The following JAKMIP2 variants were observed in gnomAD, a reference collection of about 807,000 sequenced individuals.
JAKMIP2 encodes janus kinase and microtubule-interacting protein 2.
In JAKMIP2, 25 loss-of-function variants were observed where a neutral mutation model predicts 115.0. The ratio of observed to expected loss-of-function variants is 0.22; its 90% CI spans 0.16 to 0.30. The LOEUF (loss-of-function observed/expected upper bound fraction) is 0.30. Ranked by LOEUF, JAKMIP2 falls within the 10% of genes least tolerant of loss-of-function variation. The pLI is 1.00. For missense variants in JAKMIP2, 642 were observed against 957.6 expected, an observed-to-expected ratio of 0.67 and a Z score of 4.35; for synonymous variants, 334 against 343.6, an observed-to-expected ratio of 0.97 and a Z score of 0.31.
At position 147,762,752 on chromosome 5, in the gene JAKMIP2, A is replaced by G. The variant is rs1391380849; in HGVS notation, c.-149+19704T>C. Among the ~76,000 whole-genome samples, 3 of 152,284 alleles carry G rather than the reference A, an allele frequency of 2.0e-5. No individual in the cohort carries two copies. In the South Asian group the frequency reaches 6.2e-4, roughly 32 times the overall value. ...GGGGTAAAGGGACATAATTTAGTCCATAACAGGTTGTTTCCCAATTTCTGT... is the reference window on the plus strand; with the variant it reads ...GGGGTAAAGGGACATAATTTAGTCCGTAACAGGTTGTTTCCCAATTTCTGT... On this transcript the variant is annotated intron_variant, in intron 1 of 21. Transcript: ENST00000616793.
chr5:147,766,980 C>T lies in JAKMIP2; in HGVS notation c.-149+15476G>A, dbSNP rs1019307686. The stretch of plus-strand genomic sequence containing the variant: ...TAAACCAAAAACCTCTCAATGAGAT[C>T]GGCCAGTCAATCACTCATTTTCTGC... On this transcript the variant is annotated intron_variant, in intron 1 of 21. Transcript: ENST00000616793. Among the ~76,000 whole-genome samples the T allele has an allele frequency of 3.3e-5, 5 of 152,216 alleles. No homozygotes were observed. The South Asian group carries it at 6.2e-4, about 19-fold the overall frequency.
chr5:147,717,303 G>C (rs1166888630), intron 1 of JAKMIP2, among the ~76,000 whole-genome samples: 1 of 140,776 alleles, frequency 7.1e-6, no homozygotes, highest in Admixed American at 7.2e-5. Flanking sequence ...TTGTTCTTTT[G>C]GCTTAGGATT....
chr5:147,723,682 C>A (rs1355831715), intron 1 of JAKMIP2, among the ~76,000 whole-genome samples: 4 of 152,158 alleles, frequency 2.6e-5, no homozygotes, highest in Non-Finnish European at 4.4e-5. Flanking sequence ...TTAGCAATTA[C>A]AGCTCTGCCT....
At chr5:147,776,528 G>T (rs112900161) in intron 1 of JAKMIP2, among the ~76,000 whole-genome samples, 2,467 of 152,240 alleles carry the variant, frequency 0.016, 76 homozygotes, top group African/African-American at 0.055. Flanking sequence ...CCGGTCTTGG[G>T]TATGTCCTTA....
intron 2 of JAKMIP2, among the ~76,000 whole-genome samples, chr5:147,664,267 TA>T (rs1759183546): frequency 6.6e-6 from 1 of 152,184 alleles, no homozygotes; most frequent in South Asian, 2.1e-4. Context: ...ATTCTCTTAG[TA>T]AAGCTCAGTT....
At chr5:147,684,439 C>CT (rs1430569054) in intron 1 of JAKMIP2, among the ~76,000 whole-genome samples, 1 of 151,928 alleles carries the variant, frequency 6.6e-6, no homozygotes, top group Non-Finnish European at 1.5e-5. Context: ...TGAAAAAATA[C>CT]TTCTGAATAA....
At chr5:147,711,736 T>G (rs1474524879) in intron 1 of JAKMIP2, among the ~76,000 whole-genome samples, 2 of 152,154 alleles carry the variant, frequency 1.3e-5, no homozygotes. Context: ...GGAGGTATCT[T>G]GGCTCACTGC....
intron 3 of JAKMIP2, among the ~76,000 whole-genome samples, chr5:147,657,851 A>G (rs763579849): frequency 4.6e-5 from 7 of 151,880 alleles, no homozygotes; most frequent in African/African-American, 9.7e-5. Flanking sequence ...CTTCACCTCT[A>G]TCAGGTCATT....
intron 2 of JAKMIP2, among the ~76,000 whole-genome samples, chr5:147,667,317 G>C (rs997709197): frequency 5.3e-5 from 8 of 152,198 alleles, no homozygotes; most frequent in Middle Eastern, 6.8e-3. Context: ...CTATGACAGG[G>C]AAAAAAGAAT....
chr5:147,675,636 CTA>C (rs34238186), intron 1 of JAKMIP2, among the ~76,000 whole-genome samples: 11,653 of 152,156 alleles, frequency 0.077, 558 homozygotes, highest in Middle Eastern at 0.17. Flanking sequence ...AAAAGAAACT[CTA>C]TACCTGTTAG....
At position 147,607,660 on chromosome 5, in the gene JAKMIP2, G is replaced by A. The variant is rs1326655303; in HGVS notation, c.2412+4646C>T. On this transcript the variant is annotated intron_variant, in intron 20 of 21. Transcript: ENST00000616793. ...GTTGTTGTTGTTGTGTCTCTGCCAG[G>A]TTTTATATCAGAATGATGCTGGCCT... Among the ~76,000 whole-genome samples the A allele has an allele frequency of 2.0e-5, 3 of 152,120 alleles. No individual in the cohort carries two copies. In the East Asian group the frequency reaches 5.8e-4, roughly 29 times the overall value.
intron 16 of JAKMIP2, among the ~76,000 whole-genome samples, chr5:147,626,249 G>A (rs1757087514): frequency 6.6e-6 from 1 of 152,186 alleles, no homozygotes; most frequent in Non-Finnish European, 1.5e-5. Flanking sequence ...TTTAGGGAAG[G>A]CTTGTGTCTT....
At chr5:147,643,279 C>G (rs937755858) in intron 7 of JAKMIP2, among the ~76,000 whole-genome samples, 1 of 152,060 alleles carries the variant, frequency 6.6e-6, no homozygotes, top group Admixed American at 6.5e-5. Context: ...TAAACAGAAG[C>G]TATAACCTTT....
In JAKMIP2 at chr5:147,634,441, C is replaced by G. The variant is rs1757513110; in HGVS notation, c.1678-1663G>C. ...AATAAATGTAGTCGAGTTTTCTACC[C>G]TAGATATTTGTGGCCTAGTAAACTT... On this transcript the variant is annotated intron_variant, in intron 12 of 21. Transcript: ENST00000616793. Among the ~76,000 whole-genome samples the G allele has an allele frequency of 2.6e-5, 4 of 152,056 alleles. No individual in the cohort carries two copies. The South Asian group carries it at 8.3e-4, about 32-fold the overall frequency.
intron 21 of JAKMIP2, among the ~76,000 whole-genome samples, chr5:147,592,660 A>G (rs1358666901): frequency 6.6e-6 from 1 of 152,206 alleles, no homozygotes; most frequent in East Asian, 1.9e-4. Context: ...TTCTTGCTGT[A>G]TGCCCAAAGC....
Position 147,619,395 on chromosome 5 carries a change from C to T in JAKMIP2, c.2142+1271G>A, listed in dbSNP as rs547147024. 5.3e-5 allele frequency among the ~76,000 whole-genome samples: 8 copies of T among 152,204 alleles called. No individual in the cohort carries two copies. The South Asian group carries it at 1.5e-3, about 28-fold the overall frequency. ...GCATCAAATACCCATTCTCTTCTTT[C>T]CCCATCAAACAAGCTCAGAATCTCT... On this transcript the variant is annotated intron_variant, in intron 18 of 21. Coordinates refer to ENST00000616793, the MANE Select transcript of JAKMIP2 (RefSeq NM_001270941.2).
intron 1 of JAKMIP2, among the ~76,000 whole-genome samples, chr5:147,752,001 C>T (rs1754577479): frequency 6.6e-6 from 1 of 152,094 alleles, no homozygotes; most frequent in African/African-American, 2.4e-5. Flanking sequence ...CATATAAAAG[C>T]AACCAAATTA....
intron 1 of JAKMIP2, among the ~76,000 whole-genome samples, chr5:147,689,987 C>T (rs781215873): frequency 3.3e-5 from 5 of 152,126 alleles, no homozygotes; most frequent in Admixed American, 2.6e-4. Flanking sequence ...GACTTCATGA[C>T]GATCTAGCCC....
chr5:147,612,447 A>G (rs993977517), intron 19 of JAKMIP2, 76 bp from the exon 20 acceptor site: 2 of 818,060 alleles, frequency 2.4e-6, no homozygotes, highest in African/African-American at 3.5e-5. Flanking sequence ...CCAAATGAAA[A>G]CACGAAACTT....
Sources: allele counts gnomAD v4.1 joint callset (sites outside exome capture counted in the v4.1 genomes callset), GRCh38; gene constraint gnomAD v4.1.1; transcripts MANE v1.5; gene names NCBI Gene and HGNC (gene_info 2026-07-23, HGNC 2026-07-21).